Variants in ZBTB44 observed in about 807,000 individuals in gnomAD.
ZBTB44 encodes zinc finger and BTB domain-containing protein 44.
In ZBTB44, 15 loss-of-function variants were observed where a neutral mutation model predicts 54.0. The observed-to-expected ratio is 0.28, with a 90% CI of 0.19 to 0.43. The LOEUF (loss-of-function observed/expected upper bound fraction) is 0.43, where lower values mean the gene tolerates loss of function less well. Ranked by LOEUF, ZBTB44 falls within the 20% of genes least tolerant of loss-of-function variation. ZBTB44 has a pLI of 1.00. For missense variants in ZBTB44, 487 were observed against 707.1 expected (o/e 0.69, Z 3.53); for synonymous variants, 230 against 250.1 (o/e 0.92, Z 0.76).
Position 130,309,895 on chromosome 11 carries a change from CAA to C in ZBTB44, c.-57+4478_-57+4479del, listed in dbSNP as rs58743892. On this transcript the variant is annotated intron_variant, in intron 1 of 7. Coordinates refer to ENST00000357899, the MANE Select transcript of ZBTB44 (RefSeq NM_001301098.2). ...TGGGCAACAGAGGGCGACTGCATCT[CAA>C]AAAAAAAAAAAAAAAGTTAAAAAAG... 3.1e-3 allele frequency among the ~76,000 whole-genome samples: 224 copies of C among 71,490 alleles called. 1 individual carries two copies. Among genetic ancestry groups the C allele is most frequent in the African/African-American group, 7.8e-3 (180 of 23,042 alleles). The allele number at this position is 71,490 out of a possible 152,430, so 46.9% of individuals were successfully genotyped here.
Position 130,314,427 on chromosome 11 carries a change from G to C in ZBTB44, c.-109C>G, listed in dbSNP as rs887993409. On this transcript the variant is annotated 5_prime_UTR_variant, in exon 1 of 8. Transcript: ENST00000357899. ...GCCTGCTGCTCCTCCTCCTTCTCCC[G>C]CCAGGCTGGGGCGGCGAGGCGGCGG... The C allele has an allele frequency of 6.5e-6, 1 of 154,546 alleles. No homozygotes were observed. Among genetic ancestry groups the C allele is most frequent in the Non-Finnish European group, 1.4e-5 (1 of 69,530 alleles). The allele number at this position is 154,546 out of a possible 1,614,324, so 9.6% of individuals were successfully genotyped here.
At chr11:130,298,837 AC>A (rs1941826915) in intron 1 of ZBTB44, among the ~76,000 whole-genome samples, 1 of 148,582 alleles carries the variant, frequency 6.7e-6, no homozygotes, top group Non-Finnish European at 1.5e-5. Flanking sequence ...ACCCAGACAC[AC>A]ACACACACAC....
At chr11:130,238,339 G>GTT in intron 4 of ZBTB44, 105 bp downstream of exon 4, 2 of 1,345,898 alleles carry the variant, frequency 1.5e-6, no homozygotes, top group Non-Finnish European at 9.8e-7. Context: ...ACTTCCCAGA[G>GTT]TTTTTTTTAA....
rs1300724536 is a variant in ZBTB44, at chr11:130,228,483, A to C, written c.*3281T>G. 1 of 152,206 alleles carries C rather than the reference A, an allele frequency of 6.6e-6. No homozygotes were observed. The highest frequency in any genetic ancestry group is 1.9e-4 in the East Asian group (1 of 5,194). 9.4% of individuals were successfully genotyped at this position (152,206 alleles called of 1,614,324 possible). Reference sequence around the variant, plus strand: ...CTGAAATAAAAAATCGCCTAGAGAAAACACACATAAGCTAATCCTAGAAAA... The same window carrying C: ...CTGAAATAAAAAATCGCCTAGAGAACACACACATAAGCTAATCCTAGAAAA... On this transcript the variant is annotated 3_prime_UTR_variant, in exon 8 of 8. Transcript: ENST00000357899.
intron 1 of ZBTB44, among the ~76,000 whole-genome samples, chr11:130,299,534 C>G (rs1941874381): frequency 6.9e-6 from 1 of 144,784 alleles, no homozygotes; most frequent in African/African-American, 2.6e-5. Context: ...GCCTGGGTGA[C>G]AGAGCGAGAC....
intron 1 of ZBTB44, among the ~76,000 whole-genome samples, chr11:130,271,897 CTG>C (rs1939697886): frequency 6.6e-6 from 1 of 152,146 alleles, no homozygotes. Context: ...AATTGTCAGA[CTG>C]TCTTCCAAAG....
chr11:130,274,250 G>A (rs191212734), intron 1 of ZBTB44, among the ~76,000 whole-genome samples: 3 of 152,220 alleles, frequency 2.0e-5, no homozygotes, highest in East Asian at 1.9e-4. Context: ...GCACTTTGGC[G>A]CATTTCAAAT....
chr11:130,264,353 A>G (rs1379568922), intron 1 of ZBTB44, among the ~76,000 whole-genome samples: 2 of 152,194 alleles, frequency 1.3e-5, no homozygotes, highest in Non-Finnish European at 2.9e-5. Flanking sequence ...GGAAGAGAGA[A>G]AGAAAGAAAA....
intron 1 of ZBTB44, among the ~76,000 whole-genome samples, chr11:130,276,360 T>C (rs988790708): frequency 2.0e-5 from 3 of 151,986 alleles, no homozygotes; most frequent in Admixed American, 6.6e-5. Context: ...AAGTGTTCCA[T>C]AGATGTCAGT....
intron 2 of ZBTB44, among the ~76,000 whole-genome samples, chr11:130,251,144 A>G (rs562865008): frequency 1.5e-3 from 232 of 152,316 alleles, no homozygotes; most frequent in African/African-American, 5.2e-3. Flanking sequence ...AACTTCACAA[A>G]GCATACACAA....
intron 1 of ZBTB44, among the ~76,000 whole-genome samples, chr11:130,262,135 T>C (rs1301088730): frequency 2.0e-5 from 3 of 152,124 alleles, no homozygotes; most frequent in African/African-American, 7.2e-5. Flanking sequence ...AACCAATGTT[T>C]TTTTTTGTTT....
chr11:130,305,690 T>G (rs1942227004), intron 1 of ZBTB44, among the ~76,000 whole-genome samples: 1 of 152,146 alleles, frequency 6.6e-6, no homozygotes, highest in South Asian at 2.1e-4. Flanking sequence ...TTCTAGACAT[T>G]AGCTTAGGCA....
Position 130,238,538 on chromosome 11 carries a change from A to C in ZBTB44, c.1173T>G (p.Ser391Arg). The C allele has an allele frequency of 6.2e-7, 1 of 1,612,890 alleles. No homozygotes were observed. Among genetic ancestry groups the C allele is most frequent in the South Asian group, 1.1e-5 (1 of 90,628 alleles). ...GAAAAGGTCTGTCGGGACCATTTGG[A>C]CTTGGTCGCTCTGTACTGCTGGTGG... is the stretch of plus-strand genomic sequence containing the variant. Reference protein sequence around the residue: ...APSTSSTERPSPNGPDRPFQC... With the variant: ...APSTSSTERPRPNGPDRPFQC... The change falls in exon 4 of 8, where the codon AGT becomes AGG. Residue 391 changes from serine (S) to arginine (R), a missense_variant. Physicochemically the swap from Ser to Arg is moderately radical, Grantham distance 110. Coordinates refer to ENST00000357899, the MANE Select transcript of ZBTB44 (RefSeq NM_001301098.2).
chr11:130,311,740 T>C (rs1383744113), intron 1 of ZBTB44, among the ~76,000 whole-genome samples: 2 of 152,308 alleles, frequency 1.3e-5, no homozygotes, highest in East Asian at 3.9e-4. Flanking sequence ...CTATATACGA[T>C]TTCTCATTAA....
intron 1 of ZBTB44, among the ~76,000 whole-genome samples, chr11:130,313,966 A>ATT (rs1555059256): frequency 5.6e-4 from 65 of 116,236 alleles, no homozygotes; most frequent in African/African-American, 1.8e-3. Context: ...ATATATATAT[A>ATT]TTTTTTTAAA....
Position 130,296,895 on chromosome 11 carries a change from C to T in ZBTB44, c.-57+17480G>A. The T allele has an allele frequency of 5.5e-6, 4 of 729,670 alleles. No homozygotes were observed. In the East Asian group the frequency reaches 9.9e-5, roughly 18 times the overall value. The allele number at this position is 729,670 out of a possible 1,614,324, so 45.2% of individuals were successfully genotyped here. On this transcript the variant is annotated intron_variant, in intron 1 of 7. Transcript: ENST00000357899. ...TGCTCTGCCATTTGATTTCAAAGTG[C>T]CTGCCTTTGTTGATCTGAATGTCAA...
chr11:130,268,201 G>C (rs1323388086), intron 1 of ZBTB44, among the ~76,000 whole-genome samples: 1 of 148,338 alleles, frequency 6.7e-6, no homozygotes, highest in Non-Finnish European at 1.5e-5. Flanking sequence ...CAATGCAATG[G>C]AGTGAGACCC....
intron 1 of ZBTB44, among the ~76,000 whole-genome samples, chr11:130,268,441 C>G (rs746588289): frequency 6.6e-6 from 1 of 151,994 alleles, no homozygotes; most frequent in Non-Finnish European, 1.5e-5. Context: ...AATTTTTTAG[C>G]AACAAAGTAT....
intron 2 of ZBTB44, 48 bp from the exon 3 acceptor site, chr11:130,239,944 G>T: frequency 7.3e-7 from 1 of 1,379,124 alleles, no homozygotes; most frequent in South Asian, 1.2e-5. Flanking sequence ...GTGTGAATAA[G>T]CCAAGATTGT....
Sources: allele counts gnomAD v4.1 joint callset (sites outside exome capture counted in the v4.1 genomes callset), GRCh38; gene constraint gnomAD v4.1.1; transcripts MANE v1.5; gene names NCBI Gene and HGNC (gene_info 2026-07-23, HGNC 2026-07-21).